Variants in RIMS1 observed in about 807,000 individuals in gnomAD.
The protein encoded by RIMS1 is regulating synaptic membrane exocytosis protein 1.
RIMS1 carries 83 observed loss-of-function variants against 214.1 expected under a neutral mutation model. The ratio of observed to expected loss-of-function variants is 0.39; its 90% CI spans 0.32 to 0.47. RIMS1 has a LOEUF of 0.47. Among genes scored for constraint, RIMS1 ranks in the 20% least tolerant of loss-of-function variants. The pLI is 0.99. For missense variants in RIMS1, 2,050 were observed against 2,161.8 expected (o/e 0.95, Z 1.03); for synonymous variants, 793 against 786.8 (o/e 1.01, Z -0.13).
Position 72,333,816 on chromosome 6 carries a change from A to C in RIMS1, c.4347A>C (p.Thr1449=). Residue 1449 remains threonine (T), a synonymous_variant, in exon 29 of 34, where the codon ACA becomes ACC. Transcript: ENST00000521978. The part of the protein sequence containing the change: ...VAIVSRRSRS[T]SQLSQTESGH... ...TAGTGTCTCGAAGGAGTAGAAGCACATCCCAGCTTAGTCAAACAGGTGAGT... is the reference window on the plus strand; with the variant it reads ...TAGTGTCTCGAAGGAGTAGAAGCACCTCCCAGCTTAGTCAAACAGGTGAGT... 1 of 1,584,110 alleles carries C rather than the reference A, an allele frequency of 6.3e-7. No homozygotes were observed. Among genetic ancestry groups the C allele is most frequent in the Non-Finnish European group, 8.6e-7 (1 of 1,164,732 alleles).
intron 1 of RIMS1, among the ~76,000 whole-genome samples, chr6:71,900,916 C>G (rs1773407399): frequency 6.6e-6 from 1 of 152,020 alleles, no homozygotes. Flanking sequence ...TAGGAGTAAG[C>G]TTTAATGAAG....
chr6:71,995,451 CGTGTGTGTGT>C (rs59174738), intron 2 of RIMS1, among the ~76,000 whole-genome samples: 177 of 144,502 alleles, frequency 1.2e-3, no homozygotes, highest in African/African-American at 4.1e-3. Flanking sequence ...TGTAATATGA[CGTGTGTGTGT>C]GTGTGTGTGT....
chr6:71,953,704 A>T (rs1444064054), intron 1 of RIMS1, among the ~76,000 whole-genome samples: 1 of 152,190 alleles, frequency 6.6e-6, no homozygotes, highest in Non-Finnish European at 1.5e-5. Flanking sequence ...AGTACATTGA[A>T]ATAGCTTAAT....
intron 2 of RIMS1, among the ~76,000 whole-genome samples, chr6:72,084,954 T>A (rs1324347146): frequency 6.6e-6 from 1 of 152,154 alleles, no homozygotes; most frequent in African/African-American, 2.4e-5. Flanking sequence ...AGAATGATAG[T>A]CATCTGCAAA....
At chr6:72,052,976 A>G (rs1825137796) in intron 2 of RIMS1, among the ~76,000 whole-genome samples, 1 of 152,182 alleles carries the variant, frequency 6.6e-6, no homozygotes, top group Admixed American at 6.5e-5. Flanking sequence ...CACAGGGTTA[A>G]TCTTATTTAA....
intron 6 of RIMS1, among the ~76,000 whole-genome samples, chr6:72,194,374 T>C (rs1225827966): frequency 6.6e-6 from 1 of 152,154 alleles, no homozygotes; most frequent in Non-Finnish European, 1.5e-5. Context: ...TGGTAACTAC[T>C]TAATATATGT....
In RIMS1 at chr6:72,183,039, G is replaced by A. The variant is rs1265965301; in HGVS notation, c.1568G>A (p.Gly523Asp). ...PPKPHRSKRG[G>D]KKRQMSVSSS... Reference sequence around the variant, plus strand: ...AAGCCGCACCGGTCCAAGAGAGGCGGCAAGAAGCGGCAGATGTCGGTGAGC... The same window carrying A: ...AAGCCGCACCGGTCCAAGAGAGGCGACAAGAAGCGGCAGATGTCGGTGAGC... Residue 523 changes from glycine (G) to aspartate (D), a missense_variant, in exon 6 of 34, where the codon GGC becomes GAC. Physicochemically the swap from Gly to Asp is moderately conservative, Grantham distance 94. Around this residue, in one of 6 missense-constraint regions of RIMS1, gnomAD observed 882 missense variants for 828.9 expected, o/e 1.06. Transcript: ENST00000521978. 2 of 1,598,648 alleles carry A rather than the reference G, an allele frequency of 1.3e-6. No individual in the cohort carries two copies. The highest frequency in any genetic ancestry group is 1.3e-5 in the African/African-American group (1 of 74,694).
At chr6:72,044,015 T>A (rs1278874894) in intron 2 of RIMS1, among the ~76,000 whole-genome samples, 1 of 151,518 alleles carries the variant, frequency 6.6e-6, no homozygotes, top group Non-Finnish European at 1.5e-5. Flanking sequence ...TTTAATATAT[T>A]ATTAAAAATT....
At chr6:72,142,768 CAGG>C (rs2042227153) in intron 4 of RIMS1, among the ~76,000 whole-genome samples, 1 of 152,054 alleles carries the variant, frequency 6.6e-6, no homozygotes, top group South Asian at 2.1e-4. Context: ...AAATAAACAG[CAGG>C]AGGACACTTA....
At chr6:72,302,837 A>G (rs188229731) in intron 26 of RIMS1, among the ~76,000 whole-genome samples, 34 of 151,526 alleles carry the variant, frequency 2.2e-4, no homozygotes, top group African/African-American at 7.5e-4. Flanking sequence ...ATTTAATAAT[A>G]TAAAAGTTCT....
At chr6:72,362,554 A>T (rs1437607808) in intron 29 of RIMS1, among the ~76,000 whole-genome samples, 8 of 151,746 alleles carry the variant, frequency 5.3e-5, no homozygotes, top group Non-Finnish European at 7.4e-5. Flanking sequence ...ATACAAATTT[A>T]AAAAAAAGCA....
chr6:72,260,654 C>G, intron 18 of RIMS1, 51 bp from the exon 19 acceptor site: 1 of 1,602,238 alleles, frequency 6.2e-7, no homozygotes, highest in Non-Finnish European at 8.5e-7. Context: ...TTGGCATAAC[C>G]CATGTCTCAT....
Position 72,182,706 on chromosome 6 carries a change from G to GCGCGCCGGCGGCAGCCAGGGC in RIMS1, c.1237_1257dup (p.Ala413_Ala419dup), listed in dbSNP as rs2048542775. 2 of 1,509,852 alleles carry GCGCGCCGGCGGCAGCCAGGGC rather than the reference G, an allele frequency of 1.3e-6. No individual in the cohort carries two copies. Among genetic ancestry groups the GCGCGCCGGCGGCAGCCAGGGC allele is most frequent in the Non-Finnish European group, 1.8e-6 (2 of 1,134,548 alleles). The allele number at this position is 1,509,852 out of a possible 1,614,324, so 93.5% of individuals were successfully genotyped here. On this transcript the variant is annotated inframe_insertion, in exon 6 of 34. Coordinates refer to ENST00000521978, the MANE Select transcript of RIMS1 (RefSeq NM_014989.7). ...CTGCCGGAGGGCAAGGCCGGCAAACGCGCGCCGGCGGCAGCCAGGGCCTCG... is the reference window on the plus strand; with the variant it reads ...CTGCCGGAGGGCAAGGCCGGCAAACGCGCGCCGGCGGCAGCCAGGGCCGCGCCGGCGGCAGCCAGGGCCTCG...
chr6:72,316,617 CA>C (rs1002006030), intron 28 of RIMS1: 13 of 461,260 alleles, frequency 2.8e-5, no homozygotes, highest in Admixed American at 1.4e-4. Context: ...ACCAAGAGAG[CA>C]ACCAGCCTGG....
intron 23 of RIMS1, among the ~76,000 whole-genome samples, chr6:72,276,984 C>A (rs1039813771): frequency 6.6e-6 from 1 of 152,154 alleles, no homozygotes; most frequent in African/African-American, 2.4e-5. Flanking sequence ...GGAAAATATT[C>A]TAAAGTTAAT....
chr6:72,234,825 T>C (rs1356964858), intron 7 of RIMS1, among the ~76,000 whole-genome samples: 2 of 152,054 alleles, frequency 1.3e-5, no homozygotes, highest in Non-Finnish European at 2.9e-5. Flanking sequence ...ATACAGTTTA[T>C]AGCTTGTTCA....
chr6:72,135,157 GACCAT>G (rs2041078456), intron 4 of RIMS1, among the ~76,000 whole-genome samples: 1 of 152,060 alleles, frequency 6.6e-6, no homozygotes. Context: ...GTTATTAGCA[GACCAT>G]AACTTTTTAG....
In RIMS1 at chr6:72,347,438, C is replaced by T. The variant is rs115659507; in HGVS notation, c.4366+13603C>T. Among the ~76,000 whole-genome samples, 751 of 151,900 alleles carry T rather than the reference C, an allele frequency of 4.9e-3. 5 individuals are homozygous for T. Among genetic ancestry groups the T allele is most frequent in the African/African-American group, 0.017 (724 of 41,510 alleles). On this transcript the variant is annotated intron_variant, in intron 29 of 33. Transcript: ENST00000521978. ...CACTGCAGTCTGAATTCTGTCTATT[C>T]GATTTCCCCAAACTGTTCTTAGTAG... is the stretch of plus-strand genomic sequence containing the variant.
chr6:71,891,143 CTT>C (rs60188715), intron 1 of RIMS1, among the ~76,000 whole-genome samples: 61,904 of 151,950 alleles, frequency 0.41, 12,842 homozygotes, highest in Admixed American at 0.49. Flanking sequence ...CACCTATACT[CTT>C]TCATAGAGTG....
Sources: gnomAD v4.1 joint callset for allele counts (sites outside exome capture counted in the v4.1 genomes callset) on GRCh38, gnomAD v4.1.1 for gene constraint, gnomAD v4.1.1 regional missense constraint, MANE v1.5 for transcripts, NCBI Gene and HGNC (gene_info 2026-07-23, HGNC 2026-07-21) for gene names.